The following SEPHS1 variants were observed in gnomAD, a reference collection of about 807,000 sequenced individuals.
SEPHS1 encodes the protein selenophosphate synthetase 1, also known as zincore component SEPHS1.
A neutral mutation model predicts 39.2 loss-of-function variants in SEPHS1; 7 were observed. The observed-to-expected ratio is 0.18, with a 90% CI of 0.10 to 0.34. SEPHS1 has a LOEUF of 0.34. Ranked by LOEUF, SEPHS1 falls within the 10% of genes least tolerant of loss-of-function variation. The pLI is 1.00. For missense variants in SEPHS1, 253 were observed against 514.5 expected (o/e 0.49, Z 4.92); for synonymous variants, 190 against 195.5 (o/e 0.97, Z 0.23).
chr10:13,345,198 C>T (rs1451707692), intron 1 of SEPHS1, 170 bp from the exon 2 acceptor site: 2 of 340,352 alleles, frequency 5.9e-6, no homozygotes, highest in African/African-American at 4.2e-5. Context: ...CTTTTCATAA[C>T]GGGACTGCGT....
intron 2 of SEPHS1, 148 bp from the exon 3 acceptor site, chr10:13,338,956 C>G (rs937895840): frequency 4.6e-6 from 3 of 649,036 alleles, no homozygotes; most frequent in Non-Finnish European, 8.4e-6. Flanking sequence ...TATCAAGAAG[C>G]GTAACTGAAA....
At chr10:13,347,082 G>GTGC (rs1300042426) in intron 1 of SEPHS1, among the ~76,000 whole-genome samples, 1 of 152,178 alleles carries the variant, frequency 6.6e-6, no homozygotes, top group Non-Finnish European at 1.5e-5. Context: ...ATAAGGGACG[G>GTGC]TGCCCGGCGA....
intron 8 of SEPHS1, among the ~76,000 whole-genome samples, chr10:13,322,428 G>A (rs1238551792): frequency 6.6e-6 from 1 of 152,108 alleles, no homozygotes; most frequent in Admixed American, 6.5e-5. Flanking sequence ...TTACAGGCAA[G>A]AGCCACCACA....
At chr10:13,319,733 G>A (rs1458264494) in intron 8 of SEPHS1, among the ~76,000 whole-genome samples, 1 of 152,160 alleles carries the variant, frequency 6.6e-6, no homozygotes, top group African/African-American at 2.4e-5. Flanking sequence ...ACCTGCCTTG[G>A]CCTCCCAAAG....
intron 7 of SEPHS1, among the ~76,000 whole-genome samples, chr10:13,328,140 G>A (rs768040034): frequency 6.6e-6 from 1 of 152,174 alleles, no homozygotes; most frequent in Non-Finnish European, 1.5e-5. Context: ...TATGTCAGAA[G>A]TTAGGACTTC....
intron 8 of SEPHS1, 118 bp downstream of exon 8, chr10:13,322,717 G>A: frequency 1.1e-6 from 1 of 934,220 alleles, no homozygotes; most frequent in Non-Finnish European, 1.6e-6. Flanking sequence ...GGAGGCCGAG[G>A]TCAGCAGCAT....
chr10:13,330,632 G>A (rs1434906931), intron 5 of SEPHS1, among the ~76,000 whole-genome samples: 2 of 152,008 alleles, frequency 1.3e-5, no homozygotes, highest in African/African-American at 2.4e-5. Context: ...CACCCAAGTC[G>A]ATGAAAACAA....
At position 13,317,894 on chromosome 10, in the gene SEPHS1, C is replaced by T. The variant is rs148888629; in HGVS notation, c.*1248G>A. On this transcript the variant is annotated 3_prime_UTR_variant, in exon 9 of 9. Transcript: ENST00000327347. ...TCCACTTTACATAACACAGAGAACA[C>T]CTTTTTAGATTGCCTATTTATTCTA... The T allele has an allele frequency of 4.9e-4, 74 of 152,230 alleles. No homozygotes were observed. The highest frequency in any genetic ancestry group is 1.6e-3 in the African/African-American group (66 of 41,536). 9.4% of individuals were successfully genotyped at this position (152,230 alleles called of 1,614,324 possible). A position where few individuals can be genotyped will look rare whatever the true frequency, so the allele number is the denominator to read the frequency against.
intron 1 of SEPHS1, 128 bp downstream of exon 1, chr10:13,347,872 C>T (rs1338076180): frequency 6.9e-6 from 1 of 145,898 alleles, no homozygotes; most frequent in South Asian, 2.0e-4. Context: ...CTGGCGGGGC[C>T]GGCGGCGCGC....
chr10:13,335,754 T>C (rs1372033177), intron 4 of SEPHS1, among the ~76,000 whole-genome samples: 1 of 151,554 alleles, frequency 6.6e-6, no homozygotes, highest in Non-Finnish European at 1.5e-5. Flanking sequence ...CCGAGATAGG[T>C]GGATTACCTG....
At chr10:13,334,813 A>G (rs1833578848) in intron 4 of SEPHS1, among the ~76,000 whole-genome samples, 1 of 152,236 alleles carries the variant, frequency 6.6e-6, no homozygotes. Context: ...AAGCCCAGAC[A>G]CCAACATTGT....
chr10:13,331,725 G>C (rs1483290824), intron 5 of SEPHS1, among the ~76,000 whole-genome samples: 2 of 152,156 alleles, frequency 1.3e-5, no homozygotes, highest in African/African-American at 4.8e-5. Flanking sequence ...CATGGAAAGT[G>C]ACAACTTGGT....
chr10:13,332,837 C>T (rs1416137717), intron 5 of SEPHS1, among the ~76,000 whole-genome samples: 5 of 144,830 alleles, frequency 3.5e-5, no homozygotes, highest in Non-Finnish European at 4.4e-5. Flanking sequence ...AGTAAGACTC[C>T]GTCTCAAAAA....
At chr10:13,335,258 C>T (rs1833591315) in intron 4 of SEPHS1, among the ~76,000 whole-genome samples, 2 of 152,226 alleles carry the variant, frequency 1.3e-5, no homozygotes, top group South Asian at 2.1e-4. Flanking sequence ...TCTACGTCCA[C>T]GACATCCCCA....
rs534769634 is a variant in SEPHS1 at position 13,340,877 on chromosome 10, CAG to C, written c.194-2071_194-2070del. On this transcript the variant is annotated intron_variant, in intron 2 of 8. Transcript: ENST00000327347. ...TGTCCAATGTGGTTGACACTAGACA[CAG>C]GGGGTGGCTGCGCATCTGACAAACA... 1.9e-4 allele frequency: 29 copies of C among 152,254 alleles called. No individual in the cohort carries two copies. The East Asian group carries it at 2.3e-3, about 12-fold the overall frequency. The allele number at this position is 152,254 out of a possible 1,614,324, so 9.4% of individuals were successfully genotyped here.
chr10:13,327,629 T>C (rs991101801), intron 7 of SEPHS1, among the ~76,000 whole-genome samples: 5 of 152,236 alleles, frequency 3.3e-5, no homozygotes, highest in Non-Finnish European at 5.9e-5. Flanking sequence ...CATTGTAAAC[T>C]GTGGTGAACA....
At chr10:13,347,370 GGGCTCAGGCTCA>G (rs887267565) in intron 1 of SEPHS1, 85 of 151,804 alleles carry the variant, frequency 5.6e-4, no homozygotes, top group Non-Finnish European at 1.6e-4. Context: ...GGACACCTTC[GGGCTCAGGCTCA>G]GGCTCAGGCC....
At chr10:13,333,135 ATT>A (rs552621122) in intron 5 of SEPHS1, among the ~76,000 whole-genome samples, 26,704 of 142,728 alleles carry the variant, frequency 0.19, 4,608 homozygotes, top group African/African-American at 0.47. Context: ...TAATACATCT[ATT>A]TTTTTTTTTT....
At chr10:13,339,223 G>A (rs1406437001) in intron 2 of SEPHS1, among the ~76,000 whole-genome samples, 2 of 152,010 alleles carry the variant, frequency 1.3e-5, no homozygotes, top group African/African-American at 2.4e-5. Flanking sequence ...CATCTTTACA[G>A]ACATTATCGT....
Sources: gnomAD v4.1 joint callset for allele counts (sites outside exome capture counted in the v4.1 genomes callset) on GRCh38, gnomAD v4.1.1 for gene constraint, MANE v1.5 for transcripts, NCBI Gene and HGNC (gene_info 2026-07-23, HGNC 2026-07-21) for gene names.